PPP1R17: variants seen among roughly 807,000 people sequenced by gnomAD.
PPP1R17 encodes the protein protein phosphatase 1 regulatory subunit 17, also known as G-substrate.
A neutral mutation model predicts 15.9 loss-of-function variants in PPP1R17; 12 were observed. The ratio of observed to expected loss-of-function variants is 0.75; its 90% CI spans 0.48 to 1.22. PPP1R17 has a LOEUF of 1.22. PPP1R17 is among the 50% of genes most tolerant of loss of function. The probability of loss-of-function intolerance (pLI) is 0.00; values close to 1 mark genes in which losing one functional copy is unlikely to be tolerated. For synonymous variants in PPP1R17, 63 were observed against 64.5 expected, an observed-to-expected ratio of 0.98 and a Z score of 0.11; for missense variants, 211 against 187.3, an observed-to-expected ratio of 1.13 and a Z score of -0.74.
intron 3 of PPP1R17, chr7:31,695,839 C>A: frequency 2.6e-6 from 1 of 380,742 alleles, no homozygotes; most frequent in Non-Finnish European, 4.6e-6. Context: ...ATTTTTTTTA[C>A]CTACCAATAG....
chr7:31,707,065 T>C (rs192196523), intron 4 of PPP1R17, 139 bp from the exon 5 acceptor site: 4 of 667,910 alleles, frequency 6.0e-6, no homozygotes, highest in Non-Finnish European at 5.0e-6. Context: ...CTTCTCTGGG[T>C]TGGTACTGTT....
At chr7:31,699,223 C>A (rs1479323653) in intron 4 of PPP1R17, among the ~76,000 whole-genome samples, 2 of 152,076 alleles carry the variant, frequency 1.3e-5, no homozygotes, top group African/African-American at 2.4e-5. Context: ...ATCTGTTGGC[C>A]CTCAGTAACA....
intron 2 of PPP1R17, among the ~76,000 whole-genome samples, chr7:31,693,605 A>T (rs1459943545): frequency 6.6e-6 from 1 of 152,192 alleles, no homozygotes; most frequent in Non-Finnish European, 1.5e-5. Context: ...ACTCAATGAG[A>T]TCATATGTTC....
chr7:31,694,387 A>ACACACACACACACACACACACACAC (rs1792484261), intron 2 of PPP1R17, among the ~76,000 whole-genome samples: 1 of 141,600 alleles, frequency 7.1e-6, no homozygotes, highest in Non-Finnish European at 1.5e-5. Flanking sequence ...CTCTCTCTCA[A>ACACACACACACACACACACACACAC]ACACACACAC....
chr7:31,690,133 C>T (rs1350626991), intron 1 of PPP1R17, among the ~76,000 whole-genome samples: 1 of 152,226 alleles, frequency 6.6e-6, no homozygotes, highest in Non-Finnish European at 1.5e-5. Flanking sequence ...CTGCTTTGCT[C>T]AGAGGAGGCC....
At chr7:31,697,511 A>G (rs17160432) in intron 4 of PPP1R17, among the ~76,000 whole-genome samples, 6,029 of 152,296 alleles carry the variant, frequency 0.04, 177 homozygotes, top group African/African-American at 0.076. Context: ...AATGAGAGAC[A>G]GAAAAAGAGA....
intron 1 of PPP1R17, among the ~76,000 whole-genome samples, chr7:31,689,228 G>A (rs1018601296): frequency 6.6e-6 from 1 of 152,182 alleles, no homozygotes; most frequent in Non-Finnish European, 1.5e-5. Flanking sequence ...GAACCAATAA[G>A]TGGAAAGAGG....
rs1160198304 is a variant in PPP1R17, at chr7:31,707,424, T to G, written c.*141T>G. 2 of 642,948 alleles carry G rather than the reference T, an allele frequency of 3.1e-6. No individual in the cohort carries two copies. Among genetic ancestry groups the G allele is most frequent in the Non-Finnish European group, 2.7e-6 (1 of 375,712 alleles). The allele number at this position is 642,948 out of a possible 1,614,324, so 39.8% of individuals were successfully genotyped here. A position where few individuals can be genotyped will look rare whatever the true frequency, so the allele number is the denominator to read the frequency against. On this transcript the variant is annotated 3_prime_UTR_variant, in exon 5 of 5. Transcript: ENST00000342032. ...AGACACCTTCTCCCCAGGAGATGTA[T>G]GCCATCAAATTGCCAGTCACCTCTT...
At chr7:31,696,247 T>C (rs1161050801) in intron 3 of PPP1R17, among the ~76,000 whole-genome samples, 1 of 152,170 alleles carries the variant, frequency 6.6e-6, no homozygotes, top group Non-Finnish European at 1.5e-5. Flanking sequence ...TGTCACTAAT[T>C]TACTGTCATC....
chr7:31,690,861 G>A (rs1452823590), intron 1 of PPP1R17, among the ~76,000 whole-genome samples: 1 of 152,132 alleles, frequency 6.6e-6, no homozygotes, highest in Non-Finnish European at 1.5e-5. Context: ...TTCTTCTTCT[G>A]AGGAATGAAT....
intron 2 of PPP1R17, among the ~76,000 whole-genome samples, chr7:31,694,774 T>C (rs867629983): frequency 1.3e-5 from 2 of 151,992 alleles, no homozygotes; most frequent in Non-Finnish European, 2.9e-5. Context: ...CGTGATCAGA[T>C]TGGATTCATT....
intron 1 of PPP1R17, among the ~76,000 whole-genome samples, chr7:31,691,797 TA>T (rs377169335): frequency 0.15 from 12,653 of 86,448 alleles, 641 homozygotes; most frequent in East Asian, 0.2. Context: ...ATGTAATGAT[TA>T]AAAAAAAAAA....
intron 4 of PPP1R17, among the ~76,000 whole-genome samples, chr7:31,702,638 C>T (rs1404631584): frequency 6.6e-6 from 1 of 152,178 alleles, no homozygotes; most frequent in African/African-American, 2.4e-5. Context: ...TGTCTTTATT[C>T]TTCTTGTTGC....
Position 31,692,481 on chromosome 7 carries a change from G to A in PPP1R17, c.40G>A (p.Glu14Lys). ...GCAAATGCAGCCACTGGAACTCTCA[G>A]AAGACAGACTGGACAAGCTAGACCC... ...TEQMQPLELS[E>K]DRLDKLDPRC... Residue 14 changes from glutamate to lysine, a missense_variant, in exon 2 of 5, where the codon GAA becomes AAA. Physicochemically the swap from Glu to Lys is moderately conservative, Grantham distance 56 (BLOSUM62 1). Coordinates refer to ENST00000342032, the MANE Select transcript of PPP1R17 (RefSeq NM_006658.5). The A allele has an allele frequency of 1.2e-6, 2 of 1,612,254 alleles. No homozygotes were observed. The highest frequency in any genetic ancestry group is 1.7e-6 in the Non-Finnish European group (2 of 1,178,330).
Position 31,707,603 on chromosome 7 carries a change from C to T in PPP1R17, c.*320C>T. 1 of 264,494 alleles carries T rather than the reference C, an allele frequency of 3.8e-6. No homozygotes were observed. Among genetic ancestry groups the T allele is most frequent in the Non-Finnish European group, 7.2e-6 (1 of 139,296 alleles). The allele number at this position is 264,494 out of a possible 1,614,324, so 16.4% of individuals were successfully genotyped here. ...GCATCTTCTGGATCAATTCACGGAA[C>T]AGAGATCGTGGATTACATGGGCTCC... On this transcript the variant is annotated 3_prime_UTR_variant, in exon 5 of 5. Transcript: ENST00000342032.
At chr7:31,693,864 A>G (rs1268427306) in intron 2 of PPP1R17, among the ~76,000 whole-genome samples, 1 of 152,196 alleles carries the variant, frequency 6.6e-6, no homozygotes, top group Non-Finnish European at 1.5e-5. Flanking sequence ...AGGAGCTAAA[A>G]TATCCAATTA....
Position 31,694,380 on chromosome 7 carries a change from T to TCAAACA in PPP1R17, c.83-1088_83-1087insAAACAC, listed in dbSNP as rs1250440023. Among the ~76,000 whole-genome samples the TCAAACA allele has an allele frequency of 4.3e-3, 469 of 109,200 alleles. 8 individuals carry two copies. The highest frequency in any genetic ancestry group is 0.017 in the African/African-American group (448 of 25,944). 71.6% of individuals were successfully genotyped at this position (109,200 alleles called of 152,430 possible). A position where few individuals can be genotyped will look rare whatever the true frequency, so the allele number is the denominator to read the frequency against. ...ATTAACAATTTTAGCTCTCTCTCTC[T>TCAAACA]CTCTCAAACACACACACACACACAC... is the stretch of plus-strand genomic sequence containing the variant. On this transcript the variant is annotated intron_variant, in intron 2 of 4. Coordinates refer to ENST00000342032, the MANE Select transcript of PPP1R17 (RefSeq NM_006658.5).
intron 3 of PPP1R17, among the ~76,000 whole-genome samples, chr7:31,696,668 G>A (rs928376608): frequency 9.2e-5 from 14 of 152,122 alleles, no homozygotes; most frequent in Admixed American, 8.5e-4. Flanking sequence ...AATACCCTGG[G>A]CACATTTCTT....
At chr7:31,702,247 A>C (rs1250330275) in intron 4 of PPP1R17, among the ~76,000 whole-genome samples, 1 of 151,778 alleles carries the variant, frequency 6.6e-6, no homozygotes, top group Non-Finnish European at 1.5e-5. Context: ...TTGTTCCCAA[A>C]TAAGACAAGA....
Sources: allele counts gnomAD v4.1 joint callset (sites outside exome capture counted in the v4.1 genomes callset), GRCh38; gene constraint gnomAD v4.1.1; transcripts MANE v1.5; gene names NCBI Gene and HGNC (gene_info 2026-07-23, HGNC 2026-07-21).